Variants in SND1 observed in about 807,000 individuals in gnomAD.
SND1 encodes staphylococcal nuclease domain-containing protein 1.
SND1 carries 38 observed loss-of-function variants against 121.7 expected under a neutral mutation model. That is an observed-to-expected ratio of 0.31 (90% CI 0.24 to 0.41). SND1 has a LOEUF of 0.41. Ranked by LOEUF, SND1 falls within the 10% of genes least tolerant of loss-of-function variation. The probability of loss-of-function intolerance (pLI) is 1.00; values close to 1 mark genes in which losing one functional copy is unlikely to be tolerated. For missense variants in SND1, 868 were observed against 1,184.6 expected, an observed-to-expected ratio of 0.73 and a Z score of 3.92; for synonymous variants, 401 against 447.4, an observed-to-expected ratio of 0.90 and a Z score of 1.31.
chr7:127,908,355 TGTGTGC>T (rs1469513992), intron 14 of SND1, among the ~76,000 whole-genome samples: 24 of 141,526 alleles, frequency 1.7e-4, no homozygotes, highest in African/African-American at 4.9e-4. Context: ...TGTGTGTGTG[TGTGTGC>T]GTGCGTGTTG....
intron 10 of SND1, among the ~76,000 whole-genome samples, chr7:127,780,875 A>T (rs545316448): frequency 6.6e-6 from 1 of 152,200 alleles, no homozygotes; most frequent in African/African-American, 2.4e-5. Context: ...AAGGTGTCCT[A>T]TGGCTGAAAA....
chr7:127,858,197 G>T (rs903490957), intron 12 of SND1: 11 of 787,762 alleles, frequency 1.4e-5, no homozygotes, highest in Middle Eastern at 2.3e-4. Flanking sequence ...CAGCCGCATG[G>T]CCAACTGTTC....
chr7:127,884,096 T>C (rs1043874742), intron 12 of SND1, among the ~76,000 whole-genome samples: 1 of 152,122 alleles, frequency 6.6e-6, no homozygotes, highest in Non-Finnish European at 1.5e-5. Context: ...CAAACAGTTA[T>C]AATCCACTCA....
At chr7:127,858,391 C>T (rs1584623027) in intron 12 of SND1, 16 of 1,306,308 alleles carry the variant, frequency 1.2e-5, no homozygotes, top group African/African-American at 5.8e-5. Flanking sequence ...ATAGGAGCTC[C>T]AAAAGTCCCT....
intron 12 of SND1, among the ~76,000 whole-genome samples, chr7:127,861,288 C>T (rs1799373808): frequency 6.6e-6 from 1 of 152,134 alleles, no homozygotes; most frequent in Non-Finnish European, 1.5e-5. Flanking sequence ...ATCATTGTAT[C>T]ATGGGTTGGC....
intron 10 of SND1, among the ~76,000 whole-genome samples, chr7:127,730,334 C>T (rs1014037505): frequency 2.0e-5 from 3 of 152,186 alleles, no homozygotes; most frequent in African/African-American, 7.2e-5. Context: ...AATGCCTTTG[C>T]CTGGTTTAGT....
intron 15 of SND1, among the ~76,000 whole-genome samples, chr7:127,967,320 C>G (rs1429677503): frequency 6.6e-6 from 1 of 152,212 alleles, no homozygotes; most frequent in South Asian, 2.1e-4. Context: ...CACCTTGATG[C>G]TTCATGCACA....
intron 11 of SND1, among the ~76,000 whole-genome samples, chr7:127,824,140 T>C (rs1798601960): frequency 1.3e-5 from 2 of 152,222 alleles, no homozygotes; most frequent in Non-Finnish European, 2.9e-5. Context: ...ACTATCCTTT[T>C]CCCATGGTGG....
chr7:127,875,987 A>G (rs1003484754), intron 12 of SND1, among the ~76,000 whole-genome samples: 1 of 152,118 alleles, frequency 6.6e-6, no homozygotes, highest in Non-Finnish European at 1.5e-5. Context: ...GGGAATAATA[A>G]TAGTCCCTAT....
chr7:128,085,088 G>A lies in SND1; in HGVS notation c.2234+241G>A, dbSNP rs892685354. Reference sequence around the variant, plus strand: ...CTTCCTTGTCTCCTGGGGGATTCCAGGGTGGGAGCCCTTGCTGGCTGGCTG... The same window carrying A: ...CTTCCTTGTCTCCTGGGGGATTCCAAGGTGGGAGCCCTTGCTGGCTGGCTG... On this transcript the variant is annotated intron_variant, in intron 19 of 23. Transcript: ENST00000354725. This position sits in a 1 kb window ranked among gnomAD's most constrained non-coding sequence, Gnocchi z 4.4. Among the ~76,000 whole-genome samples the A allele has an allele frequency of 6.6e-6, 1 of 152,188 alleles. No individual in the cohort carries two copies. The highest frequency in any genetic ancestry group is 2.4e-5 in the African/African-American group (1 of 41,454).
chr7:127,798,471 A>G (rs987241425), intron 10 of SND1, among the ~76,000 whole-genome samples: 2 of 152,144 alleles, frequency 1.3e-5, no homozygotes, highest in African/African-American at 4.8e-5. Flanking sequence ...ACTAAGGAAT[A>G]TTTGGAAATT....
intron 10 of SND1, among the ~76,000 whole-genome samples, chr7:127,793,423 G>A (rs1223018093): frequency 6.6e-6 from 1 of 152,170 alleles, no homozygotes; most frequent in Non-Finnish European, 1.5e-5. Context: ...TGTTTAATGT[G>A]CAAGCAGATA....
At chr7:127,713,244 T>C (rs1796327383) in intron 9 of SND1, among the ~76,000 whole-genome samples, 1 of 152,262 alleles carries the variant, frequency 6.6e-6, no homozygotes, top group Non-Finnish European at 1.5e-5. Flanking sequence ...CAATATGAAG[T>C]GGGCTGGATG....
intron 16 of SND1, among the ~76,000 whole-genome samples, chr7:128,053,898 G>T (rs1190292242): frequency 6.6e-6 from 1 of 152,188 alleles, no homozygotes; most frequent in Non-Finnish European, 1.5e-5. Context: ...CCCCAGGCCT[G>T]TGGAGTGCAG....
In SND1 at chr7:127,701,238, C is replaced by T. The variant is rs142428040; in HGVS notation, c.504C>T (p.Asn168=). The T allele has an allele frequency of 1.7e-4, 270 of 1,613,988 alleles. 3 individuals carry two copies. In the South Asian group the frequency reaches 2.1e-3, roughly 13 times the overall value. The change falls in exon 5 of 24, where the codon AAC becomes AAT. Residue 168 remains asparagine, a synonymous_variant. Coordinates refer to ENST00000354725, the MANE Select transcript of SND1 (RefSeq NM_014390.4). ...AGAAAGGGATGTGGAGTGAGGGGAA[C>T]GGTTCACATACTATCCGGGATCTCA... ...AAKKGMWSEG[N]GSHTIRDLKY...
At chr7:128,067,736 T>C (rs1365625044) in intron 16 of SND1, among the ~76,000 whole-genome samples, 2 of 152,156 alleles carry the variant, frequency 1.3e-5, no homozygotes, top group Non-Finnish European at 2.9e-5. Context: ...GTAACGCCTG[T>C]GCACTTGGGG....
chr7:127,943,480 G>A (rs774030980), intron 15 of SND1, among the ~76,000 whole-genome samples: 36 of 152,342 alleles, frequency 2.4e-4, no homozygotes, highest in Middle Eastern at 3.4e-3. Flanking sequence ...ATTGTTTGCT[G>A]TGCCCTTCTG....
intron 15 of SND1, among the ~76,000 whole-genome samples, chr7:127,958,213 C>T (rs1801646170): frequency 6.6e-6 from 1 of 152,220 alleles, no homozygotes; most frequent in Non-Finnish European, 1.5e-5. Flanking sequence ...TGTCAAATCT[C>T]ACTGGTCCCT....
intron 15 of SND1, among the ~76,000 whole-genome samples, chr7:127,966,235 C>T (rs1443848351): frequency 6.6e-6 from 1 of 151,694 alleles, no homozygotes; most frequent in African/African-American, 2.4e-5. Context: ...GAGCCTTAGA[C>T]TCCCACACAT....
Sources: allele counts gnomAD v4.1 joint callset (sites outside exome capture counted in the v4.1 genomes callset), GRCh38; gene constraint gnomAD v4.1.1; non-coding constraint Gnocchi (gnomAD v3.1); transcripts MANE v1.5; gene names NCBI Gene and HGNC (gene_info 2026-07-23, HGNC 2026-07-21).